Variants in UNC50 observed in about 807,000 individuals in gnomAD.
The protein encoded by UNC50 is protein unc-50 homolog.
Under a neutral mutation model 31.5 loss-of-function variants are expected in UNC50, and 24 were observed. That is an observed-to-expected ratio of 0.76 (90% CI 0.55 to 1.07). UNC50 has a LOEUF of 1.07. Among genes scored for constraint, UNC50 ranks in the 50% least tolerant of loss-of-function variants. The pLI, the probability that UNC50 is intolerant of heterozygous loss-of-function variation, is 0.00. For missense variants in UNC50, 245 were observed against 304.2 expected, an observed-to-expected ratio of 0.81 and a Z score of 1.45; for synonymous variants, 118 against 114.7, an observed-to-expected ratio of 1.03 and a Z score of -0.18.
chr2:98,616,640 T>A, intron 5 of UNC50, 107 bp downstream of exon 5: 1 of 799,302 alleles, frequency 1.3e-6, no homozygotes, highest in Non-Finnish European at 2.0e-6. Context: ...GGCACTATCC[T>A]AAGTATTTTA....
At chr2:98,615,298 T>C (rs763515313) in intron 3 of UNC50, among the ~76,000 whole-genome samples, 28 of 152,212 alleles carry the variant, frequency 1.8e-4, no homozygotes, top group Non-Finnish European at 3.2e-4. Flanking sequence ...TATTTCCAGT[T>C]TGGACTTGTC....
chr2:98,618,082 GAAGT>G, intron 5 of UNC50, 82 bp from the exon 6 acceptor site: 2 of 1,344,174 alleles, frequency 1.5e-6, no homozygotes, highest in Admixed American at 2.8e-5. Flanking sequence ...CCCACATGTT[GAAGT>G]AAGCTGTCTT....
intron 5 of UNC50, among the ~76,000 whole-genome samples, chr2:98,617,862 G>T (rs1700957949): frequency 6.6e-6 from 1 of 152,150 alleles, no homozygotes; most frequent in Non-Finnish European, 1.5e-5. Context: ...CTGTTTTCAT[G>T]AATATTTGTG....
intron 1 of UNC50, 74 bp from the exon 2 acceptor site, chr2:98,609,682 A>C: frequency 6.2e-7 from 1 of 1,601,406 alleles, no homozygotes; most frequent in Non-Finnish European, 8.5e-7. Flanking sequence ...CTGCCAAATA[A>C]CTCAGAAGAG....
intron 5 of UNC50, among the ~76,000 whole-genome samples, chr2:98,617,432 G>A (rs995222206): frequency 1.3e-5 from 2 of 152,184 alleles, no homozygotes; most frequent in African/African-American, 2.4e-5. Context: ...CATTTCTAAT[G>A]AATTTTGAAA....
chr2:98,615,143 T>G (rs892652871), intron 3 of UNC50, among the ~76,000 whole-genome samples: 2 of 152,242 alleles, frequency 1.3e-5, no homozygotes, highest in African/African-American at 4.8e-5. Context: ...CCTAACTGCT[T>G]CTTACTATTT....
chr2:98,617,686 G>A (rs1700953298), intron 5 of UNC50, among the ~76,000 whole-genome samples: 1 of 152,166 alleles, frequency 6.6e-6, no homozygotes. Flanking sequence ...CTTTTCTGAA[G>A]CCTGGGCTAC....
chr2:98,610,374 G>C (rs1341418147), intron 2 of UNC50, among the ~76,000 whole-genome samples: 1 of 152,196 alleles, frequency 6.6e-6, no homozygotes, highest in Non-Finnish European at 1.5e-5. Flanking sequence ...TCCACAGTGA[G>C]AATTGTAAAG....
intron 3 of UNC50, among the ~76,000 whole-genome samples, chr2:98,613,927 T>TG (rs1449330859): frequency 1.3e-5 from 2 of 152,176 alleles, no homozygotes; most frequent in Non-Finnish European, 2.9e-5. Flanking sequence ...CTCCTGGTGC[T>TG]GGGAATTGCA....
At chr2:98,610,977 G>A in intron 3 of UNC50, 82 bp downstream of exon 3, 4 of 1,465,026 alleles carry the variant, frequency 2.7e-6, no homozygotes, top group Non-Finnish European at 3.7e-6. Flanking sequence ...GCAGCAGATG[G>A]AAATTGAAAC....
rs1299005449 is a variant in UNC50 at position 98,613,268 on chromosome 2, A to G, written c.401+2373A>G. On this transcript the variant is annotated intron_variant, in intron 3 of 5. Coordinates refer to ENST00000357765, the MANE Select transcript of UNC50 (RefSeq NM_014044.7). ...ACAAATGGTGTGTTTTAAAATTTCA[A>G]TAAATAAGACTTTCAAAGGAATAGT... Among the ~76,000 whole-genome samples, 7 of 152,258 alleles carry G rather than the reference A, an allele frequency of 4.6e-5. No individual in the cohort carries two copies. The South Asian group carries it at 6.2e-4, about 13-fold the overall frequency.
At position 98,618,337 on chromosome 2, in the gene UNC50, C is replaced by G; in HGVS notation, c.*33C>G. The G allele has an allele frequency of 6.3e-7, 1 of 1,578,134 alleles. No homozygotes were observed. Among genetic ancestry groups the G allele is most frequent in the Non-Finnish European group, 8.6e-7 (1 of 1,165,066 alleles). On this transcript the variant is annotated 3_prime_UTR_variant, in exon 6 of 6. Transcript: ENST00000357765. ...GAAGAAGATTCAATCGTAACTGTGT[C>G]AACAGTATTGTGAAGTGATCATTTC...
chr2:98,613,161 C>T (rs983899465), intron 3 of UNC50, among the ~76,000 whole-genome samples: 3 of 152,174 alleles, frequency 2.0e-5, no homozygotes, highest in African/African-American at 4.8e-5. Flanking sequence ...ATGCTGTCCA[C>T]TGTTAATATA....
In UNC50 at chr2:98,610,849, C is replaced by T. The variant is rs761108025; in HGVS notation, c.355C>T (p.Leu119Phe). 29 of 1,614,010 alleles carry T rather than the reference C, an allele frequency of 1.8e-5. No individual in the cohort carries two copies. The highest frequency in any genetic ancestry group is 9.3e-6 in the Non-Finnish European group (11 of 1,180,016). ...ETIKLLLWVV[L>F]IDCVGVGLLI... ...AATAAAGCTTCTCCTTTGGGTTGTA[C>T]TCATAGATTGTGTAGGCGTTGGTCT... Residue 119 changes from leucine to phenylalanine, a missense_variant, in exon 3 of 6, where the codon CTC (leucine) becomes TTC (phenylalanine). By Grantham distance (22) the Leu-to-Phe change is conservative. Transcript: ENST00000357765.
intron 4 of UNC50, 29 bp from the exon 5 acceptor site, chr2:98,616,403 G>A (rs761418490): frequency 3.7e-6 from 6 of 1,613,494 alleles, no homozygotes; most frequent in Non-Finnish European, 5.1e-6. Context: ...ATTGGTAAAG[G>A]GACTCATGGT....
rs759283483 is a variant in UNC50 at position 98,610,909 on chromosome 2, CTT to C, written c.401+16_401+17del. On this transcript the variant is annotated intron_variant, in intron 3 of 5. Coordinates refer to ENST00000357765, the MANE Select transcript of UNC50 (RefSeq NM_014044.7). Reference sequence around the variant, plus strand: ...AACTTTAATGTGGTAAGTACCATAACTTTGGTTTTTCAGATACTGCTGTAGCA... The same window carrying C: ...AACTTTAATGTGGTAAGTACCATAACTGGTTTTTCAGATACTGCTGTAGCA... 1.1e-5 allele frequency: 18 copies of C among 1,610,686 alleles called. No individual in the cohort carries two copies. The highest frequency in any genetic ancestry group is 1.4e-5 in the Non-Finnish European group (16 of 1,178,714).
At chr2:98,617,761 T>TAA (rs1700954713) in intron 5 of UNC50, among the ~76,000 whole-genome samples, 1 of 152,198 alleles carries the variant, frequency 6.6e-6, no homozygotes, top group Non-Finnish European at 1.5e-5. Context: ...CTCAAATAGC[T>TAA]AAAAGATGTT....
rs767753073 is a variant in UNC50 at position 98,616,236 on chromosome 2, G to A, written c.431G>A (p.Arg144Gln). ...WFISNKYLVK[R>Q]QSRDYDVEWG... ...ATCTCTAACAAGTATTTAGTGAAACGACAGAGCAGAGACTATGATGTGGAA... is the reference window on the plus strand; with the variant it reads ...ATCTCTAACAAGTATTTAGTGAAACAACAGAGCAGAGACTATGATGTGGAA... Residue 144 changes from arginine (R) to glutamine (Q), a missense_variant, in exon 4 of 6, where the codon CGA (arginine) becomes CAA (glutamine). Coordinates refer to ENST00000357765, the MANE Select transcript of UNC50 (RefSeq NM_014044.7). 2 of 1,613,440 alleles carry A rather than the reference G, an allele frequency of 1.2e-6. No homozygotes were observed. Among genetic ancestry groups the A allele is most frequent in the East Asian group, 4.5e-5 (2 of 44,872 alleles).
rs1575230013 is a variant in UNC50, at chr2:98,612,939, A to C, written c.401+2044A>C. The stretch of plus-strand genomic sequence containing the variant: ...TTATTGCTTAAAAATGCTGACACAG[A>C]GACATGAAGTGGGCATATGCTGCTG... On this transcript the variant is annotated intron_variant, in intron 3 of 5. Coordinates refer to ENST00000357765, the MANE Select transcript of UNC50 (RefSeq NM_014044.7). Among the ~76,000 whole-genome samples, 4 of 152,398 alleles carry C rather than the reference A, an allele frequency of 2.6e-5. No individual in the cohort carries two copies. The South Asian group carries it at 8.3e-4, about 32-fold the overall frequency.
Sources: allele counts gnomAD v4.1 joint callset (sites outside exome capture counted in the v4.1 genomes callset), GRCh38; gene constraint gnomAD v4.1.1; transcripts MANE v1.5; gene names NCBI Gene and HGNC (gene_info 2026-07-23, HGNC 2026-07-21).